Variants in HYDIN observed in about 807,000 individuals in gnomAD.
The protein encoded by HYDIN is HYDIN axonemal central pair apparatus protein.
HYDIN carries 132 observed loss-of-function variants against 403.9 expected under a neutral mutation model. The ratio of observed to expected loss-of-function variants is 0.33; its 90% CI spans 0.28 to 0.38. HYDIN has a LOEUF of 0.38. Ranked by LOEUF, HYDIN falls within the 10% of genes least tolerant of loss-of-function variation. HYDIN has a pLI of 1.00. For synonymous variants in HYDIN, 1,202 were observed against 1,891.7 expected, an observed-to-expected ratio of 0.64 and a Z score of 9.46; for missense variants, 2,827 against 5,009.5, an observed-to-expected ratio of 0.56 and a Z score of 13.15.
At chr16:70,859,264 G>A (rs773136671) in intron 71 of HYDIN, among the ~76,000 whole-genome samples, 12 of 151,986 alleles carry the variant, frequency 7.9e-5, no homozygotes, top group Non-Finnish European at 1.5e-4. Flanking sequence ...TCGCGCCACT[G>A]CACTCCAGCC....
chr16:70,844,257 C>T (rs79564476), intron 75 of HYDIN, among the ~76,000 whole-genome samples: 4,404 of 124,308 alleles, frequency 0.035, 58 homozygotes, highest in East Asian at 0.059. Context: ...CAGCTTTCTA[C>T]ATATGGCTAG....
chr16:71,012,124 T>G (rs2080107329), intron 23 of HYDIN, among the ~76,000 whole-genome samples: 1 of 152,298 alleles, frequency 6.6e-6, no homozygotes, highest in African/African-American at 2.4e-5. Context: ...TCTGGCCTCT[T>G]AAAGGTAAAA....
chr16:70,921,554 C>T (rs1330990273), intron 45 of HYDIN, among the ~76,000 whole-genome samples: 1 of 152,190 alleles, frequency 6.6e-6, no homozygotes, highest in African/African-American at 2.4e-5. Flanking sequence ...CCATATGCAC[C>T]TGCCTCAGGT....
chr16:71,199,646 ACCT>A (rs1166746677), intron 1 of HYDIN, among the ~76,000 whole-genome samples: 1 of 152,080 alleles, frequency 6.6e-6, no homozygotes, highest in Non-Finnish European at 1.5e-5. Flanking sequence ...CTTTCTAGTC[ACCT>A]TCAGGAGAGG....
intron 23 of HYDIN, among the ~76,000 whole-genome samples, chr16:71,004,191 G>A (rs866362000): frequency 6.6e-6 from 1 of 151,770 alleles, no homozygotes; most frequent in African/African-American, 2.4e-5. Context: ...GCGCATGCCT[G>A]TAATCTCAGC....
chr16:70,981,444 C>T lies in HYDIN; in HGVS notation c.4457G>A (p.Ser1486Asn). 6.2e-7 allele frequency: 1 copy of T among 1,613,886 alleles called. No homozygotes were observed. The highest frequency in any genetic ancestry group is 1.1e-5 in the South Asian group (1 of 91,046). ...AHLDPENITLSGEGIFPQICL... is the reference protein window; with the variant it reads ...AHLDPENITLNGEGIFPQICL... ...GATTTGGGGAAAGATTCCCTCTCCG[C>T]TCAGAGTGATATTTTCTGGGTCCAG... The change falls in exon 29 of 86, where the codon AGC (serine) becomes AAC (asparagine). Residue 1486 changes from serine (S) to asparagine (N), a missense_variant. Coordinates refer to ENST00000393567, the MANE Select transcript of HYDIN (RefSeq NM_001270974.2).
At chr16:71,137,118 A>C (rs1396858857) in intron 8 of HYDIN, 33 bp downstream of exon 8, 4 of 713,766 alleles carry the variant, frequency 5.6e-6, no homozygotes, top group Non-Finnish European at 9.6e-6. Flanking sequence ...CCCCCCTCCA[A>C]ATTACTGCAT....
chr16:70,994,490 C>A (rs1395538590), intron 23 of HYDIN, among the ~76,000 whole-genome samples: 1 of 151,950 alleles, frequency 6.6e-6, no homozygotes, highest in Non-Finnish European at 1.5e-5. Flanking sequence ...TGTTCCAGAC[C>A]AGATGTCTCT....
In HYDIN at chr16:70,825,325, T is replaced by C. The variant is rs548993271; in HGVS notation, c.14427+1936A>G. 2.8e-4 allele frequency among the ~76,000 whole-genome samples: 42 copies of C among 151,260 alleles called. 1 individual carries two copies. The East Asian group carries it at 8.1e-3, about 29-fold the overall frequency. ...TCTAATGTATTTAGATGTGAGTATT[T>C]TTTTCATTCACCCTGTTTGGCAACT... On this transcript the variant is annotated intron_variant, in intron 83 of 85. Transcript: ENST00000393567.
At chr16:70,931,208 C>CTTTTT (rs2077313550) in intron 45 of HYDIN, among the ~76,000 whole-genome samples, 20 of 78,208 alleles carry the variant, frequency 2.6e-4, no homozygotes, top group South Asian at 1.3e-3. Context: ...TCTCTTTCTT[C>CTTTTT]TGTTTTTTTT....
intron 18 of HYDIN, among the ~76,000 whole-genome samples, chr16:71,047,537 C>A (rs1372718734): frequency 1.3e-5 from 2 of 151,886 alleles, no homozygotes; most frequent in African/African-American, 2.4e-5. Flanking sequence ...CACTGTTATC[C>A]TCTTTGGCAC....
rs76148650 is a variant in HYDIN at position 70,904,478 on chromosome 16, C to CTTTTT, written c.8517-419_8517-415dup. Among the ~76,000 whole-genome samples the CTTTTT allele has an allele frequency of 1.1e-3, 28 of 25,218 alleles. 5 individuals carry two copies. The highest frequency in any genetic ancestry group is 1.2e-3 in the Admixed American group (2 of 1,620). 16.5% of individuals were successfully genotyped at this position (25,218 alleles called of 152,430 possible). ...CTGAGAGAGATTATCACTTGAGTAACTTTTTTTTTTTTTTTTTTTTTTTTT... is the reference window on the plus strand; with the variant it reads ...CTGAGAGAGATTATCACTTGAGTAACTTTTTTTTTTTTTTTTTTTTTTTTTTTTTT... On this transcript the variant is annotated intron_variant, in intron 50 of 85. Transcript: ENST00000393567.
intron 7 of HYDIN, among the ~76,000 whole-genome samples, chr16:71,137,984 G>T (rs553435800): frequency 6.6e-6 from 1 of 151,294 alleles, no homozygotes; most frequent in Admixed American, 6.6e-5. Flanking sequence ...CACATAAAAA[G>T]AAGACAAAAA....
intron 1 of HYDIN, among the ~76,000 whole-genome samples, chr16:71,207,825 T>G (rs972724217): frequency 1.3e-5 from 2 of 151,954 alleles, no homozygotes; most frequent in Non-Finnish European, 2.9e-5. Context: ...AAGGAAAAAG[T>G]AGGGCATTAC....
intron 23 of HYDIN, among the ~76,000 whole-genome samples, chr16:71,016,504 G>A (rs2080262431): frequency 6.8e-6 from 1 of 147,680 alleles, no homozygotes; most frequent in Non-Finnish European, 1.5e-5. Flanking sequence ...AAACCCTGGT[G>A]CACTGTTACT....
intron 10 of HYDIN, among the ~76,000 whole-genome samples, chr16:71,114,289 C>T (rs571179388): frequency 6.6e-6 from 1 of 150,828 alleles, no homozygotes; most frequent in South Asian, 2.1e-4. Flanking sequence ...TTCACAGATT[C>T]CTATTTATTC....
intron 23 of HYDIN, among the ~76,000 whole-genome samples, chr16:71,001,990 C>T (rs1416978332): frequency 4.6e-5 from 7 of 152,108 alleles, no homozygotes; most frequent in Admixed American, 3.9e-4. Flanking sequence ...CTTTATTGGC[C>T]ATTCATATCT....
intron 65 of HYDIN, 55 bp from the exon 66 acceptor site, chr16:70,868,843 A>C: frequency 1.3e-6 from 2 of 1,524,554 alleles, no homozygotes; most frequent in Non-Finnish European, 1.8e-6. Flanking sequence ...AGGACTCTTG[A>C]TACCTGCTGG....
intron 3 of HYDIN, among the ~76,000 whole-genome samples, chr16:71,180,025 C>G (rs1428894947): frequency 6.6e-6 from 1 of 151,874 alleles, no homozygotes; most frequent in African/African-American, 2.4e-5. Flanking sequence ...ATTGACATGA[C>G]AAAAACAGGA....
Sources: gnomAD v4.1 joint callset for allele counts (sites outside exome capture counted in the v4.1 genomes callset) on GRCh38, gnomAD v4.1.1 for gene constraint, MANE v1.5 for transcripts, NCBI Gene and HGNC (gene_info 2026-07-23, HGNC 2026-07-21) for gene names.